Variants in DLGAP1 observed in about 807,000 individuals in gnomAD.
The protein encoded by DLGAP1 is disks large-associated protein 1.
Under a neutral mutation model 90.8 loss-of-function variants are expected in DLGAP1, and 11 were observed. The observed-to-expected ratio is 0.12, with a 90% CI of 0.08 to 0.20. The LOEUF is 0.20. Among genes scored for constraint, DLGAP1 ranks in the 10% least tolerant of loss-of-function variants. The pLI, the probability that DLGAP1 is intolerant of heterozygous loss-of-function variation, is 1.00. For synonymous variants in DLGAP1, 558 were observed against 540.7 expected (o/e 1.03, Z -0.44); for missense variants, 1,050 against 1,333.8 (o/e 0.79, Z 3.31).
intron 7 of DLGAP1, among the ~76,000 whole-genome samples, chr18:3,614,420 AAAT>A (rs1246894911): frequency 6.6e-6 from 1 of 152,206 alleles, no homozygotes; most frequent in African/African-American, 2.4e-5. Context: ...GGGTCAAAAG[AAAT>A]GATCTCTAAT....
chr18:4,104,477 C>T (rs1184495063), intron 2 of DLGAP1, among the ~76,000 whole-genome samples: 1 of 151,930 alleles, frequency 6.6e-6, no homozygotes, highest in Admixed American at 6.6e-5. Flanking sequence ...TTTCTTTTTT[C>T]CCCTTTGATC....
intron 7 of DLGAP1, among the ~76,000 whole-genome samples, chr18:3,700,197 T>C (rs2061235102): frequency 1.3e-5 from 2 of 152,106 alleles, no homozygotes; most frequent in African/African-American, 4.8e-5. Flanking sequence ...GCTAGCTAGG[T>C]GTCTGTCTAA....
intron 7 of DLGAP1, among the ~76,000 whole-genome samples, chr18:3,642,659 T>C (rs978575839): frequency 1.3e-5 from 2 of 152,228 alleles, no homozygotes; most frequent in Non-Finnish European, 2.9e-5. Context: ...ACTGAGTTAC[T>C]GTGAAGTATT....
chr18:3,815,895 A>G (rs1176825434), intron 4 of DLGAP1, among the ~76,000 whole-genome samples: 2 of 152,232 alleles, frequency 1.3e-5, no homozygotes, highest in Admixed American at 6.5e-5. Flanking sequence ...CCCTCAACAT[A>G]TTTATAACAG....
At chr18:4,150,117 C>T (rs1252391122) in intron 2 of DLGAP1, among the ~76,000 whole-genome samples, 1 of 152,182 alleles carries the variant, frequency 6.6e-6, no homozygotes, top group African/African-American at 2.4e-5. Context: ...GCGCTTCTTC[C>T]CTGATTCACT....
At chr18:4,240,525 AAG>A (rs1219349099) in intron 1 of DLGAP1, among the ~76,000 whole-genome samples, 1 of 152,180 alleles carries the variant, frequency 6.6e-6, no homozygotes, top group Non-Finnish European at 1.5e-5. Flanking sequence ...TTTCTGGTGA[AAG>A]TAGAACTTAT....
intron 7 of DLGAP1, among the ~76,000 whole-genome samples, chr18:3,639,308 A>T (rs2058835966): frequency 1.3e-5 from 2 of 151,592 alleles, no homozygotes; most frequent in African/African-American, 2.4e-5. Flanking sequence ...GTGAGTCAAA[A>T]TCATGCCACT....
intron 7 of DLGAP1, among the ~76,000 whole-genome samples, chr18:3,690,799 C>T (rs897226058): frequency 2.6e-5 from 4 of 152,110 alleles, no homozygotes; most frequent in Non-Finnish European, 5.9e-5. Flanking sequence ...GTCTTTTTCA[C>T]CACCACCAAC....
rs573440471 is a variant in DLGAP1, at chr18:4,184,620, C to T, written c.-266-33333G>A. Among the ~76,000 whole-genome samples, 40 of 152,216 alleles carry T rather than the reference C, an allele frequency of 2.6e-4. 1 individual carries two copies. In the South Asian group the frequency reaches 8.3e-3, roughly 32 times the overall value. ...GCCTATATAGAGAGTAAACACACTACCCAGGATCCTACTACTTGGATAAAA... is the reference window on the plus strand; with the variant it reads ...GCCTATATAGAGAGTAAACACACTATCCAGGATCCTACTACTTGGATAAAA... On this transcript the variant is annotated intron_variant, in intron 1 of 12. Coordinates refer to ENST00000315677, the MANE Select transcript of DLGAP1 (RefSeq NM_004746.4).
At chr18:3,866,640 C>T (rs991428637) in intron 4 of DLGAP1, among the ~76,000 whole-genome samples, 1 of 152,112 alleles carries the variant, frequency 6.6e-6, no homozygotes, top group Admixed American at 6.5e-5. Flanking sequence ...TTGAGTTGTT[C>T]CAGACACCTG....
At chr18:4,243,368 C>T (rs566618294) in intron 1 of DLGAP1, among the ~76,000 whole-genome samples, 4 of 116,778 alleles carry the variant, frequency 3.4e-5, no homozygotes, top group East Asian at 3.2e-4. Flanking sequence ...GGACTGACCA[C>T]GGATGGGCAC....
chr18:4,025,871 T>C (rs949965549), intron 2 of DLGAP1, among the ~76,000 whole-genome samples: 1 of 152,194 alleles, frequency 6.6e-6, no homozygotes, highest in African/African-American at 2.4e-5. Flanking sequence ...AAGGTATTTT[T>C]AAAAAACAGT....
At chr18:3,896,641 C>T (rs1395080933) in intron 3 of DLGAP1, 2 of 152,254 alleles carry the variant, frequency 1.3e-5, no homozygotes, top group Non-Finnish European at 2.9e-5. Flanking sequence ...AGTATGGCAC[C>T]TTGGTGTGCT....
chr18:3,915,726 G>A (rs1413241666), intron 3 of DLGAP1, among the ~76,000 whole-genome samples: 1 of 152,134 alleles, frequency 6.6e-6, no homozygotes, highest in Non-Finnish European at 1.5e-5. Context: ...ACATTTGGAT[G>A]CAAAATTTCA....
At chr18:3,673,756 C>T (rs944491121) in intron 7 of DLGAP1, among the ~76,000 whole-genome samples, 11 of 148,542 alleles carry the variant, frequency 7.4e-5, no homozygotes, top group Non-Finnish European at 1.2e-4. Context: ...ATGTTGGCCA[C>T]GCTGGTCTCA....
intron 3 of DLGAP1, among the ~76,000 whole-genome samples, chr18:3,987,780 G>C (rs942114038): frequency 6.6e-6 from 1 of 151,858 alleles, no homozygotes; most frequent in African/African-American, 2.4e-5. Context: ...AGAGCGTTTT[G>C]TCTTTAACTT....
intron 1 of DLGAP1, among the ~76,000 whole-genome samples, chr18:4,372,998 T>A (rs1446570527): frequency 3.3e-5 from 5 of 151,760 alleles, no homozygotes; most frequent in Non-Finnish European, 7.4e-5. Context: ...AGGAAAATAA[T>A]GCACATAACT....
At chr18:3,798,968 G>A (rs2066151475) in intron 5 of DLGAP1, among the ~76,000 whole-genome samples, 1 of 151,952 alleles carries the variant, frequency 6.6e-6, no homozygotes. Context: ...CCACCTCCCA[G>A]GTTCAAGCGA....
chr18:3,506,980 T>G (rs967768198), intron 11 of DLGAP1, among the ~76,000 whole-genome samples: 2 of 152,132 alleles, frequency 1.3e-5, no homozygotes, highest in Non-Finnish European at 2.9e-5. Flanking sequence ...AAGGGTGAGT[T>G]TATTTTTTCT....
Sources: allele counts gnomAD v4.1 joint callset (sites outside exome capture counted in the v4.1 genomes callset), GRCh38; gene constraint gnomAD v4.1.1; transcripts MANE v1.5; gene names NCBI Gene and HGNC (gene_info 2026-07-23, HGNC 2026-07-21).